CUL1: variants seen among roughly 807,000 people sequenced by gnomAD.
CUL1 encodes cullin-1.
CUL1 carries 24 observed loss-of-function variants against 118.0 expected under a neutral mutation model. That is an observed-to-expected ratio of 0.20 (90% confidence interval 0.15 to 0.29). The LOEUF is 0.29. Ranked by LOEUF, CUL1 falls within the 10% of genes least tolerant of loss-of-function variation. CUL1 has a pLI of 1.00. For synonymous variants in CUL1, 332 were observed against 340.4 expected (o/e 0.98, Z 0.27); for missense variants, 361 against 933.8 (o/e 0.39, Z 7.99).
At chr7:148,778,125 G>A (rs911891239) in intron 9 of CUL1, among the ~76,000 whole-genome samples, 3 of 133,260 alleles carry the variant, frequency 2.3e-5, no homozygotes, top group Non-Finnish European at 4.8e-5. Flanking sequence ...AGGAAAGAGA[G>A]CACTTACTGA....
chr7:148,729,031 G>C (rs918154731), intron 1 of CUL1, among the ~76,000 whole-genome samples: 3 of 152,110 alleles, frequency 2.0e-5, no homozygotes, highest in African/African-American at 7.2e-5. Flanking sequence ...AAACCTTTAC[G>C]TTTTGATGTG....
chr7:148,726,850 A>AAAT (rs1554464088), intron 1 of CUL1, among the ~76,000 whole-genome samples: 12 of 148,686 alleles, frequency 8.1e-5, no homozygotes, highest in Middle Eastern at 3.5e-3. Context: ...AAAAAAAAAA[A>AAAT]TTTTTTTTTA....
At chr7:148,705,924 A>C (rs1187970104) in intron 1 of CUL1, among the ~76,000 whole-genome samples, 1 of 152,216 alleles carries the variant, frequency 6.6e-6, no homozygotes, top group East Asian at 1.9e-4. Context: ...ACATGCAATA[A>C]TAACCCTTAG....
chr7:148,721,014 C>A (rs774164885), intron 1 of CUL1, among the ~76,000 whole-genome samples: 1 of 152,172 alleles, frequency 6.6e-6, no homozygotes, highest in African/African-American at 2.4e-5. Flanking sequence ...AGCCTCTTTT[C>A]TTTTCAGGCA....
In CUL1 at chr7:148,759,275, A is replaced by G. The variant is rs768707111; in HGVS notation, c.484-29A>G. The G allele has an allele frequency of 3.1e-6, 5 of 1,602,648 alleles. No individual in the cohort carries two copies. In the South Asian group the frequency reaches 5.5e-5, roughly 18 times the overall value. Reference sequence around the variant, plus strand: ...AATCTTGGAAAAACATGGTAAAAGTATAGACATTTTGTACTTTTTTTTCTC... The same window carrying G: ...AATCTTGGAAAAACATGGTAAAAGTGTAGACATTTTGTACTTTTTTTTCTC... On this transcript the variant is annotated intron_variant, in intron 4 of 21. Coordinates refer to ENST00000325222, the MANE Select transcript of CUL1 (RefSeq NM_003592.3).
chr7:148,768,671 C>T lies in CUL1; in HGVS notation c.1083+922C>T, dbSNP rs536929484. Among the ~76,000 whole-genome samples the T allele has an allele frequency of 1.3e-3, 196 of 152,222 alleles. 2 individuals are homozygous for T. The highest frequency in any genetic ancestry group is 2.7e-3 in the Admixed American group (42 of 15,290). On this transcript the variant is annotated intron_variant, in intron 9 of 21. Transcript: ENST00000325222. The stretch of plus-strand genomic sequence containing the variant: ...AAGTGCTGAGATTACAGGCGTGAGT[C>T]GTCACGTGCGGCCGAGAAGAAAAGT...
chr7:148,783,681 G>T, intron 9 of CUL1, 102 bp from the exon 10 acceptor site: 1 of 1,567,320 alleles, frequency 6.4e-7, no homozygotes, highest in Non-Finnish European at 8.7e-7. Context: ...GGTATCTATA[G>T]CTTTTAGAAT....
At chr7:148,781,682 G>A (rs1338717785) in intron 9 of CUL1, among the ~76,000 whole-genome samples, 1 of 152,190 alleles carries the variant, frequency 6.6e-6, no homozygotes, top group East Asian at 1.9e-4. Context: ...GTCCACCAAT[G>A]ACAAGTCGCA....
At chr7:148,736,114 C>T (rs1186565524) in intron 2 of CUL1, among the ~76,000 whole-genome samples, 2 of 151,840 alleles carry the variant, frequency 1.3e-5, no homozygotes, top group Non-Finnish European at 2.9e-5. Flanking sequence ...GTCGAGGCTG[C>T]AGTGAGTCAT....
chr7:148,733,162 T>C (rs556401370), intron 2 of CUL1, among the ~76,000 whole-genome samples: 19 of 152,222 alleles, frequency 1.2e-4, no homozygotes, highest in Non-Finnish European at 2.5e-4. Flanking sequence ...CTATGTAGTC[T>C]TCAGCTACTG....
chr7:148,746,960 G>A (rs887815399), intron 2 of CUL1, among the ~76,000 whole-genome samples: 1 of 152,168 alleles, frequency 6.6e-6, no homozygotes, highest in Non-Finnish European at 1.5e-5. Context: ...TTGACAAATA[G>A]CTTGTTACGA....
chr7:148,790,317 G>A lies in CUL1; in HGVS notation c.1682G>A (p.Arg561His), dbSNP rs369272126. The change falls in exon 16 of 22, where the codon CGT becomes CAT. Residue 561 changes from arginine (R) to histidine (H), a missense_variant. This residue lies in a region of CUL1 where 84 missense variants were observed against 203.3 expected (regional missense o/e 0.41). Transcript: ENST00000325222. ...TGCTGTCCTTTTATCTAGTTGGAAC[G>A]TAGTTATCAGCGATTCACAGCTTTC... ...CTFALPSELE[R>H]SYQRFTAFYA... 6.2e-7 allele frequency: 1 copy of A among 1,614,110 alleles called. No individual in the cohort carries two copies. The highest frequency in any genetic ancestry group is 8.5e-7 in the Non-Finnish European group (1 of 1,180,002).
intron 1 of CUL1, among the ~76,000 whole-genome samples, chr7:148,719,197 G>C (rs997325114): frequency 2.0e-5 from 3 of 152,092 alleles, no homozygotes; most frequent in Admixed American, 6.5e-5. Context: ...TATAGTCCCA[G>C]CTACTCGGGA....
At chr7:148,799,459 T>A in intron 21 of CUL1, 71 bp downstream of exon 21, 1 of 1,030,282 alleles carries the variant, frequency 9.7e-7, no homozygotes, top group Non-Finnish European at 1.5e-6. Flanking sequence ...AAAAAGTGGA[T>A]TGATTGCTGT....
intron 1 of CUL1, among the ~76,000 whole-genome samples, chr7:148,719,683 C>A (rs1798337188): frequency 6.6e-6 from 1 of 152,198 alleles, no homozygotes. Flanking sequence ...GAAGATCCAA[C>A]AAAGTAGAGC....
At chr7:148,748,975 A>T (rs1050998013) in intron 2 of CUL1, among the ~76,000 whole-genome samples, 1 of 152,250 alleles carries the variant, frequency 6.6e-6, no homozygotes, top group African/African-American at 2.4e-5. Flanking sequence ...GCCAAGTGGC[A>T]TGTAGAAGAA....
intron 1 of CUL1, among the ~76,000 whole-genome samples, chr7:148,713,605 CTAAGA>C (rs1798118595): frequency 6.6e-6 from 1 of 151,980 alleles, no homozygotes; most frequent in East Asian, 1.9e-4. Flanking sequence ...TTTCTAATTC[CTAAGA>C]TGTTTATAGG....
intron 2 of CUL1, among the ~76,000 whole-genome samples, chr7:148,741,850 G>A (rs992921256): frequency 2.6e-5 from 4 of 152,208 alleles, no homozygotes; most frequent in Non-Finnish European, 4.4e-5. Context: ...CTGGGATTGC[G>A]GGCATGAGCC....
rs147478016 is a variant in CUL1, at chr7:148,769,018, T to C, written c.1083+1269T>C. ...AGATCTCTAGGTTTTAGTAAAAACT[T>C]AAGTACAGAGTCCTCAGTGTCGGCA... On this transcript the variant is annotated intron_variant, in intron 9 of 21. Coordinates refer to ENST00000325222, the MANE Select transcript of CUL1 (RefSeq NM_003592.3). Among the ~76,000 whole-genome samples, 568 of 152,192 alleles carry C rather than the reference T, an allele frequency of 3.7e-3. 2 individuals are homozygous for C. The highest frequency in any genetic ancestry group is 0.012 in the African/African-American group (519 of 41,538).
Sources: allele counts gnomAD v4.1 joint callset (sites outside exome capture counted in the v4.1 genomes callset), GRCh38; gene constraint gnomAD v4.1.1; regional missense constraint gnomAD v4.1.1; transcripts MANE v1.5; gene names NCBI Gene and HGNC (gene_info 2026-07-23, HGNC 2026-07-21).